Variants in SRGAP1 observed in about 807,000 individuals in gnomAD.
SRGAP1 encodes SLIT-ROBO Rho GTPase-activating protein 1.
SRGAP1 carries 43 observed loss-of-function variants against 121.9 expected under a neutral mutation model. The ratio of observed to expected loss-of-function variants is 0.35; its 90% CI spans 0.28 to 0.46. The LOEUF is 0.46. SRGAP1 is among the 20% of genes least tolerant of loss of function. The pLI is 1.00. For synonymous variants in SRGAP1, 447 were observed against 485.4 expected (o/e 0.92, Z 1.04); for missense variants, 1,102 against 1,350.9 (o/e 0.82, Z 2.89).
rs553195857 is a variant in SRGAP1, at chr12:63,908,166, AT to A, written c.67+63295del. Among the ~76,000 whole-genome samples, 241 of 144,816 alleles carry A rather than the reference AT, an allele frequency of 1.7e-3. 1 individual carries two copies. Among genetic ancestry groups the A allele is most frequent in the Middle Eastern group, 7.0e-3 (2 of 286 alleles). On this transcript the variant is annotated intron_variant, in intron 1 of 21. Coordinates refer to ENST00000355086, the MANE Select transcript of SRGAP1 (RefSeq NM_020762.4). ...GTCCTTTAACTTTGTTCTTTTCAAG[AT>A]TTTTTTTTTTTGCTATCCTAGATTG... is the stretch of plus-strand genomic sequence containing the variant.
At chr12:63,941,024 A>G (rs2031846805) in intron 1 of SRGAP1, among the ~76,000 whole-genome samples, 1 of 152,080 alleles carries the variant, frequency 6.6e-6, no homozygotes, top group Non-Finnish European at 1.5e-5. Flanking sequence ...TCAGAAACTT[A>G]ATGGCTTCTG....
intron 7 of SRGAP1, among the ~76,000 whole-genome samples, chr12:64,063,978 G>C (rs933818529): frequency 6.6e-6 from 1 of 151,576 alleles, no homozygotes; most frequent in Admixed American, 6.6e-5. Context: ...TGTACCTGCT[G>C]TATTTCTAAT....
At chr12:64,097,968 A>G (rs1158588730) in intron 15 of SRGAP1, among the ~76,000 whole-genome samples, 1 of 152,172 alleles carries the variant, frequency 6.6e-6, no homozygotes. Context: ...TTTTGACACT[A>G]TACAAAGGAA....
intron 10 of SRGAP1, among the ~76,000 whole-genome samples, chr12:64,086,689 T>C (rs1360147480): frequency 6.7e-6 from 1 of 148,834 alleles, no homozygotes; most frequent in Non-Finnish European, 1.5e-5. Context: ...GGGCTTACAG[T>C]TATGATCAAG....
intron 8 of SRGAP1, among the ~76,000 whole-genome samples, chr12:64,071,240 T>G (rs537156753): frequency 6.6e-6 from 1 of 152,208 alleles, no homozygotes. Context: ...CCAAGAGAAA[T>G]GAAGAGAATT....
At chr12:63,867,417 A>C (rs1899673683) in intron 1 of SRGAP1, among the ~76,000 whole-genome samples, 1 of 152,180 alleles carries the variant, frequency 6.6e-6, no homozygotes, top group African/African-American at 2.4e-5. Flanking sequence ...TAGTGGTGGC[A>C]TTTACCAATA....
chr12:64,076,577 T>C lies in SRGAP1; in HGVS notation c.1126-2342T>C, dbSNP rs568932250. On this transcript the variant is annotated intron_variant, in intron 8 of 21. Coordinates refer to ENST00000355086, the MANE Select transcript of SRGAP1 (RefSeq NM_020762.4). The stretch of plus-strand genomic sequence containing the variant: ...ATCAAAAACAAAAGATAATAAAATA[T>C]GGAAAAGAAGAATAAGAGATATAGA... Among the ~76,000 whole-genome samples, 5 of 151,748 alleles carry C rather than the reference T, an allele frequency of 3.3e-5. No homozygotes were observed. In the East Asian group the frequency reaches 7.7e-4, roughly 23 times the overall value.
At chr12:63,934,684 T>A (rs1439588161) in intron 1 of SRGAP1, among the ~76,000 whole-genome samples, 1 of 152,072 alleles carries the variant, frequency 6.6e-6, no homozygotes, top group South Asian at 2.1e-4. Flanking sequence ...TAAATATCCA[T>A]AGACTGATGG....
chr12:64,024,727 G>A (rs1024592300), intron 4 of SRGAP1, among the ~76,000 whole-genome samples: 2 of 152,188 alleles, frequency 1.3e-5, no homozygotes, highest in Non-Finnish European at 2.9e-5. Context: ...GCTCCCCATG[G>A]TTGGGAGGGC....
At chr12:64,061,068 T>C (rs2035442083) in intron 6 of SRGAP1, among the ~76,000 whole-genome samples, 2 of 152,218 alleles carry the variant, frequency 1.3e-5, no homozygotes, top group Non-Finnish European at 2.9e-5. Context: ...ATGTACAAAT[T>C]GAAAATGAAC....
intron 1 of SRGAP1, among the ~76,000 whole-genome samples, chr12:63,880,753 A>T (rs1900168363): frequency 6.6e-6 from 1 of 152,062 alleles, no homozygotes; most frequent in Non-Finnish European, 1.5e-5. Flanking sequence ...ATTTTATTAT[A>T]CTGCCATTAT....
At chr12:64,031,021 T>C (rs2034765101) in intron 4 of SRGAP1, among the ~76,000 whole-genome samples, 1 of 152,126 alleles carries the variant, frequency 6.6e-6, no homozygotes, top group African/African-American at 2.4e-5. Flanking sequence ...TTCTTTTGGT[T>C]AAAATTTATC....
intron 3 of SRGAP1, among the ~76,000 whole-genome samples, chr12:63,991,541 A>C (rs1185806739): frequency 6.6e-6 from 1 of 152,248 alleles, no homozygotes; most frequent in Non-Finnish European, 1.5e-5. Context: ...TATGCGTCTT[A>C]AATAGTAGAG....
At chr12:63,900,204 C>CTTTTTTTTTTTTTTTTTTTT (rs67622101) in intron 1 of SRGAP1, among the ~76,000 whole-genome samples, 1 of 87,522 alleles carries the variant, frequency 1.1e-5, no homozygotes, top group Non-Finnish European at 2.3e-5. Context: ...TTTTCTTTTT[C>CTTTTTTTTTTTTTTTTTTTT]TTTTTTTTTT....
intron 1 of SRGAP1, among the ~76,000 whole-genome samples, chr12:63,862,079 C>T (rs1305962616): frequency 6.6e-6 from 1 of 152,162 alleles, no homozygotes; most frequent in South Asian, 2.1e-4. Flanking sequence ...CGAGATCACG[C>T]CACTGCATTC....
At chr12:64,014,577 A>G (rs376101316) in intron 3 of SRGAP1, among the ~76,000 whole-genome samples, 60 of 152,282 alleles carry the variant, frequency 3.9e-4, no homozygotes, top group African/African-American at 1.3e-3. Context: ...AAGTTTACCT[A>G]TACTACAGAT....
intron 3 of SRGAP1, among the ~76,000 whole-genome samples, chr12:64,007,940 G>C (rs2034135830): frequency 6.6e-6 from 1 of 152,144 alleles, no homozygotes; most frequent in Non-Finnish European, 1.5e-5. Context: ...AAGTTTATAT[G>C]AATAGACTGT....
intron 1 of SRGAP1, among the ~76,000 whole-genome samples, chr12:63,891,669 G>C (rs1334898403): frequency 6.6e-6 from 1 of 152,012 alleles, no homozygotes; most frequent in Non-Finnish European, 1.5e-5. Flanking sequence ...ACTGACAAAG[G>C]ACGCAAATCT....
chr12:63,995,932 T>C (rs2033686437), intron 3 of SRGAP1, among the ~76,000 whole-genome samples: 1 of 151,688 alleles, frequency 6.6e-6, no homozygotes, highest in Non-Finnish European at 1.5e-5. Flanking sequence ...AAATACACCA[T>C]TTAAAATAGG....
Sources: allele counts gnomAD v4.1 joint callset (sites outside exome capture counted in the v4.1 genomes callset), GRCh38; gene constraint gnomAD v4.1.1; transcripts MANE v1.5; gene names NCBI Gene and HGNC (gene_info 2026-07-23, HGNC 2026-07-21).